Variants in DSCAML1 observed in about 807,000 individuals in gnomAD.
DSCAML1 encodes the protein cell adhesion molecule DSCAML1.
A neutral mutation model predicts 200.5 loss-of-function variants in DSCAML1; 38 were observed. The observed-to-expected ratio is 0.19, with a 90% CI of 0.15 to 0.25. DSCAML1 has a LOEUF of 0.25. Among genes scored for constraint, DSCAML1 ranks in the 10% least tolerant of loss-of-function variants. The pLI is 1.00. For synonymous variants in DSCAML1, 1,215 were observed against 1,165.0 expected, an observed-to-expected ratio of 1.04 and a Z score of -0.87; for missense variants, 2,223 against 2,858.8, an observed-to-expected ratio of 0.78 and a Z score of 5.07.
chr11:117,477,755 G>A (rs1157417953), intron 14 of DSCAML1, among the ~76,000 whole-genome samples: 1 of 152,192 alleles, frequency 6.6e-6, no homozygotes, highest in Admixed American at 6.5e-5. Context: ...GCCATGCCCA[G>A]GGTCTCTGCT....
intron 3 of DSCAML1, among the ~76,000 whole-genome samples, chr11:117,678,683 G>A (rs1472991622): frequency 1.3e-5 from 2 of 152,208 alleles, no homozygotes; most frequent in Non-Finnish European, 2.9e-5. Flanking sequence ...GAAGCAGAAC[G>A]GGGGATAGCA....
At chr11:117,564,347 A>G (rs1051304202) in intron 3 of DSCAML1, among the ~76,000 whole-genome samples, 1 of 152,204 alleles carries the variant, frequency 6.6e-6, no homozygotes, top group African/African-American at 2.4e-5. Context: ...GAACACGTTG[A>G]GAAGCACTCC....
Position 117,437,910 on chromosome 11 carries a change from T to G in DSCAML1, c.4417A>C (p.Lys1473Gln). The change falls in exon 25 of 33, where the codon AAG becomes CAG. Residue 1473 changes from lysine (K) to glutamine (Q), a missense_variant. Around this residue, in one of 7 missense-constraint regions of DSCAML1, gnomAD observed 614 missense variants for 739.1 expected, o/e 0.83. Transcript: ENST00000651296. The surrounding 1 kb of genome is among the most constrained non-coding windows in gnomAD (Gnocchi z 5.3). ...SGRISEIIEA[K>Q]THGREPSFSK... ...TGGGCCTCACCCCGCCCGTGGGTCTTGGCCTCGATGATCTCGCTGATGCGC... is the reference window on the plus strand; with the variant it reads ...TGGGCCTCACCCCGCCCGTGGGTCTGGGCCTCGATGATCTCGCTGATGCGC... 6.2e-7 allele frequency: 1 copy of G among 1,610,522 alleles called. No homozygotes were observed.
In DSCAML1 at chr11:117,437,688, G is replaced by C. The variant is rs576418983; in HGVS notation, c.4432+207C>G. On this transcript the variant is annotated intron_variant, in intron 25 of 32. Coordinates refer to ENST00000651296, the MANE Select transcript of DSCAML1 (RefSeq NM_020693.4). The surrounding 1 kb of genome is among the most constrained non-coding windows in gnomAD (Gnocchi z 5.3). ...AAGGAATGCCACCTTCGGCCACCCG[G>C]TGGGGAAGTGGAACTAGTTTTTCCT... 3.8e-4 allele frequency among the ~76,000 whole-genome samples: 58 copies of C among 152,280 alleles called. No homozygotes were observed. Among genetic ancestry groups the C allele is most frequent in the African/African-American group, 1.3e-3 (54 of 41,564 alleles).
At position 117,732,602 on chromosome 11, in the gene DSCAML1, T is replaced by A. The variant is rs570939379; in HGVS notation, c.511+44189A>T. 3.9e-5 allele frequency among the ~76,000 whole-genome samples: 6 copies of A among 152,254 alleles called. No homozygotes were observed. The South Asian group carries it at 1.2e-3, about 32-fold the overall frequency. ...CCTCTTAGGACTTAGACCACACACA[T>A]GCAGGCCAGCTCTGGGCCCACCTCA... On this transcript the variant is annotated intron_variant, in intron 3 of 32. Transcript: ENST00000651296.
At chr11:117,645,716 C>T (rs1418522507) in intron 3 of DSCAML1, among the ~76,000 whole-genome samples, 3 of 126,966 alleles carry the variant, frequency 2.4e-5, no homozygotes, top group African/African-American at 9.3e-5. Context: ...CACATGGACA[C>T]AGGAAGGGGA....
In DSCAML1 at chr11:117,504,515, A is replaced by C. The variant is rs957251112; in HGVS notation, c.2182+409T>G. Among the ~76,000 whole-genome samples the C allele has an allele frequency of 1.3e-5, 2 of 152,140 alleles. No homozygotes were observed. Among genetic ancestry groups the C allele is most frequent in the African/African-American group, 4.8e-5 (2 of 41,432 alleles). Reference sequence around the variant, plus strand: ...TAGGATTGGGCCTCAGTCAGAAAGCAAAGGCATCCCTGGGATGAAATTGGG... The same window carrying C: ...TAGGATTGGGCCTCAGTCAGAAAGCCAAGGCATCCCTGGGATGAAATTGGG... On this transcript the variant is annotated intron_variant, in intron 10 of 32. Transcript: ENST00000651296. The surrounding 1 kb of genome is among the most constrained non-coding windows in gnomAD (Gnocchi z 5.0).
At chr11:117,572,088 C>T (rs201679765) in intron 3 of DSCAML1, among the ~76,000 whole-genome samples, 1 of 152,236 alleles carries the variant, frequency 6.6e-6, no homozygotes, top group Non-Finnish European at 1.5e-5. Flanking sequence ...GCCCTTGGGG[C>T]TGCTCTGTTT....
At chr11:117,790,593 G>A (rs1322684442) in intron 1 of DSCAML1, among the ~76,000 whole-genome samples, 1 of 152,172 alleles carries the variant, frequency 6.6e-6, no homozygotes, top group Non-Finnish European at 1.5e-5. Context: ...AGGCTAAAAC[G>A]GGTTTGCTGT....
At position 117,672,102 on chromosome 11, in the gene DSCAML1, G is replaced by GGAAAAAAAAAGAAAAAA. The variant is rs1555196987; in HGVS notation, c.511+104688_511+104689insTTTTTTCTTTTTTTTTC. Among the ~76,000 whole-genome samples, 20 of 94,508 alleles carry GGAAAAAAAAAGAAAAAA rather than the reference G, an allele frequency of 2.1e-4. 1 individual carries two copies. The highest frequency in any genetic ancestry group is 1.1e-3 in the South Asian group (3 of 2,766). 62.0% of individuals were successfully genotyped at this position (94,508 alleles called of 152,430 possible). A position where few individuals can be genotyped will look rare whatever the true frequency, so the allele number is the denominator to read the frequency against. Reference sequence around the variant, plus strand: ...GGCGACAGAGCGAGACTCCAGCTCAGAAAAAAAAAAAAAAAAAAAAAGAAG... The same window carrying GGAAAAAAAAAGAAAAAA: ...GGCGACAGAGCGAGACTCCAGCTCAGGAAAAAAAAAGAAAAAAAAAAAAAAAAAAAAAAAAAAAGAAG... On this transcript the variant is annotated intron_variant, in intron 3 of 32. Transcript: ENST00000651296.
intron 3 of DSCAML1, chr11:117,709,657 C>T (rs2053808416): frequency 2.2e-6 from 1 of 455,140 alleles, no homozygotes; most frequent in Non-Finnish European, 4.4e-6. Flanking sequence ...CATAATCCCA[C>T]CCCAACTCCC....
chr11:117,727,714 T>C (rs571861455), intron 3 of DSCAML1, among the ~76,000 whole-genome samples: 1 of 152,226 alleles, frequency 6.6e-6, no homozygotes, highest in East Asian at 1.9e-4. Flanking sequence ...AGAATACAGC[T>C]AGTGTTACAA....
chr11:117,661,373 A>AATAT (rs1476110479), intron 3 of DSCAML1, among the ~76,000 whole-genome samples: 2 of 152,200 alleles, frequency 1.3e-5, no homozygotes, highest in Admixed American at 1.3e-4. Context: ...GGAAAATGGG[A>AATAT]ATATAACAGG....
rs529261557 is a variant in DSCAML1, at chr11:117,581,400, A to G, written c.512-48878T>C. 2.0e-5 allele frequency among the ~76,000 whole-genome samples: 3 copies of G among 152,316 alleles called. No individual in the cohort carries two copies. The East Asian group carries it at 5.8e-4, about 29-fold the overall frequency. On this transcript the variant is annotated intron_variant, in intron 3 of 32. Transcript: ENST00000651296. ...GGTCTGACATACCACCACCGCAATC[A>G]AGATACAGAACAGTTCCATCCCCTG...
At chr11:117,703,873 C>G (rs983287373) in intron 3 of DSCAML1, among the ~76,000 whole-genome samples, 3 of 152,166 alleles carry the variant, frequency 2.0e-5, no homozygotes, top group African/African-American at 7.2e-5. Context: ...TCATAACAAC[C>G]ATTACCAACA....
chr11:117,672,367 C>T (rs1028670806), intron 3 of DSCAML1, among the ~76,000 whole-genome samples: 1 of 152,020 alleles, frequency 6.6e-6, no homozygotes, highest in African/African-American at 2.4e-5. Flanking sequence ...TTAGGGGCAC[C>T]CTCTAGATCT....
intron 3 of DSCAML1, among the ~76,000 whole-genome samples, chr11:117,574,912 C>T (rs533754699): frequency 9.9e-5 from 15 of 152,236 alleles, no homozygotes; most frequent in South Asian, 2.1e-4. Flanking sequence ...GAAATCCTGC[C>T]GGGTGTGGTG....
Position 117,451,809 on chromosome 11 carries a change from C to T in DSCAML1, c.3569-1121G>A, listed in dbSNP as rs1009233726. ...CAGCCAGGGCAACAGAGCAAGACTC[C>T]GTCTCAAAAAAAAAAAAAATAATAA... On this transcript the variant is annotated intron_variant, in intron 19 of 32. Coordinates refer to ENST00000651296, the MANE Select transcript of DSCAML1 (RefSeq NM_020693.4). Among the ~76,000 whole-genome samples the T allele has an allele frequency of 1.3e-4, 8 of 63,972 alleles. No individual in the cohort carries two copies. The South Asian group carries it at 1.6e-3, about 13-fold the overall frequency. The allele number at this position is 63,972 out of a possible 152,430, so 42.0% of individuals were successfully genotyped here.
In DSCAML1 at chr11:117,433,343, C is replaced by G. The variant is rs2047842355; in HGVS notation, c.4908-87G>C. 4.5e-6 allele frequency: 7 copies of G among 1,572,106 alleles called. No individual in the cohort carries two copies. In the South Asian group the frequency reaches 5.9e-5, roughly 13 times the overall value. On this transcript the variant is annotated intron_variant, in intron 28 of 32. Coordinates refer to ENST00000651296, the MANE Select transcript of DSCAML1 (RefSeq NM_020693.4). ...CTGCAGGACAGTGGGATTTTAGAAG[C>G]CTGCCTCCTATTCTGGGAGTTCAGA...
Sources: allele counts gnomAD v4.1 joint callset (sites outside exome capture counted in the v4.1 genomes callset), GRCh38; gene constraint gnomAD v4.1.1; regional missense constraint gnomAD v4.1.1; non-coding constraint Gnocchi (gnomAD v3.1); transcripts MANE v1.5; gene names NCBI Gene and HGNC (gene_info 2026-07-23, HGNC 2026-07-21).